The following STX4 variants were observed in gnomAD, a reference collection of about 807,000 sequenced individuals.
STX4 encodes syntaxin 4, also known as syntaxin-4.
STX4 carries 24 observed loss-of-function variants against 41.8 expected under a neutral mutation model. The ratio of observed to expected loss-of-function variants is 0.57; its 90% CI spans 0.42 to 0.81. The LOEUF is 0.81. STX4 is among the 30% of genes least tolerant of loss of function. STX4 has a pLI of 0.00. For missense variants in STX4, 316 were observed against 389.9 expected (o/e 0.81, Z 1.60); for synonymous variants, 158 against 156.4 (o/e 1.01, Z -0.08).
chr16:31,038,230 A>G, intron 7 of STX4, 40 bp downstream of exon 7: 1 of 1,610,600 alleles, frequency 6.2e-7, no homozygotes, highest in Non-Finnish European at 8.5e-7. Context: ...TGTGCCTCCC[A>G]TCCCCTCTGA....
chr16:31,038,649 T>G lies in STX4; in HGVS notation c.702+2T>G, dbSNP rs748796413. 5.0e-6 allele frequency: 8 copies of G among 1,613,896 alleles called. No homozygotes were observed. Among genetic ancestry groups the G allele is most frequent in the Non-Finnish European group, 6.8e-6 (8 of 1,179,960 alleles). On this transcript the variant is annotated splice_donor_variant, in intron 8 of 10. Transcript: ENST00000313843. LOFTEE classifies it high-confidence loss of function. ...CTGGCTACCGAAGTGGAGATGCAGG[T>G]GGGTGCCCCGCGCAGCCCCAGACGT... is the stretch of plus-strand genomic sequence containing the variant.
At position 31,038,100 on chromosome 16, in the gene STX4, C is replaced by T. The variant is rs774552276; in HGVS notation, c.488-14C>T. On this transcript the variant is annotated splice_polypyrimidine_tract_variant and intron_variant, in intron 6 of 10. Coordinates refer to ENST00000313843, the MANE Select transcript of STX4 (RefSeq NM_004604.5). ...ATCCCAACCCAACCCTGAGCCTGGC[C>T]TTTTCCTTCACAGCCAATGCTGGGA... 4.3e-6 allele frequency: 7 copies of T among 1,614,176 alleles called. No homozygotes were observed. The East Asian group carries it at 1.3e-4, about 31-fold the overall frequency.
chr16:31,038,089 C>A, intron 6 of STX4, 25 bp from the exon 7 acceptor site: 1 of 1,614,180 alleles, frequency 6.2e-7, no homozygotes, highest in South Asian at 1.1e-5. Context: ...CAACCCAACC[C>A]TGAGCCTGGC....
rs775130461 is a variant in STX4 at position 31,037,891 on chromosome 16, C to T, written c.379-35C>T. ...GAGGCACCGACCGGGCAGGGATCCT[C>T]CCAGGGGCACTCAGCCTATATTCTT... On this transcript the variant is annotated intron_variant, in intron 5 of 10. Transcript: ENST00000313843. 20 of 1,612,310 alleles carry T rather than the reference C, an allele frequency of 1.2e-5. No individual in the cohort carries two copies. The Admixed American group carries it at 2.5e-4, about 20-fold the overall frequency.
In STX4 at chr16:31,039,706, C is replaced by G; in HGVS notation, c.814-17C>G. 1 of 1,614,202 alleles carries G rather than the reference C, an allele frequency of 6.2e-7. No homozygotes were observed. Among genetic ancestry groups the G allele is most frequent in the South Asian group, 1.1e-5 (1 of 91,090 alleles). Reference sequence around the variant, plus strand: ...AGGCACCCTGTGTGACTTCCCTGACCCCCTCCTCTCCCACAGAAGAAAGTC... The same window carrying G: ...AGGCACCCTGTGTGACTTCCCTGACGCCCTCCTCTCCCACAGAAGAAAGTC... On this transcript the variant is annotated splice_polypyrimidine_tract_variant and intron_variant, in intron 9 of 10. Transcript: ENST00000313843. This position sits in a 1 kb window ranked among gnomAD's most constrained non-coding sequence, Gnocchi z 4.1.
chr16:31,034,024 C>T lies in STX4; in HGVS notation c.42C>T (p.Ser14=). 6.2e-7 allele frequency: 1 copy of T among 1,600,528 alleles called. No homozygotes were observed. The highest frequency in any genetic ancestry group is 8.5e-7 in the Non-Finnish European group (1 of 1,171,652). Reference sequence around the variant, plus strand: ...TCCGGGCCTGGCAGGGGGATGACAGCTCGGACGAAGAGGACAAGGAGCGGG... The same window carrying T: ...TCCGGGCCTGGCAGGGGGATGACAGTTCGGACGAAGAGGACAAGGAGCGGG... ...RTHELRQGDD[S]SDEEDKERVA... The change falls in exon 2 of 11, where the codon AGC becomes AGT. Residue 14 remains serine, a synonymous_variant. Coordinates refer to ENST00000313843, the MANE Select transcript of STX4 (RefSeq NM_004604.5).
At chr16:31,033,321 G>A (rs1480353176), upstream of STX4, 3 of 752,654 alleles carry the variant, frequency 4.0e-6, no homozygotes, top group Non-Finnish European at 7.2e-6. This position sits in a 1 kb window ranked among gnomAD's most constrained non-coding sequence, Gnocchi z 5.5. Flanking sequence ...GGGCACCATG[G>A]GGTGATGTGA....
intron 4 of STX4, 176 bp downstream of exon 4, chr16:31,034,712 C>A: frequency 1.3e-6 from 1 of 743,472 alleles, no homozygotes; most frequent in Non-Finnish European, 2.1e-6. Flanking sequence ...CACAAGTCCG[C>A]CTCTCAGGTT....
chr16:31,034,621 G>A, intron 4 of STX4, 85 bp downstream of exon 4: 1 of 1,408,724 alleles, frequency 7.1e-7, no homozygotes, highest in Non-Finnish European at 9.4e-7. Context: ...GCCCAGAGAA[G>A]CCAGTGATAT....
rs891032499 is a variant in STX4, at chr16:31,039,447, A to AT, written c.703-85dup. Reference sequence around the variant, plus strand: ...TCTTGCCCTTGTCTTTGTTAGTGCAATTTTTTTTTCCTGCCAGGAATGTTC... The same window carrying AT: ...TCTTGCCCTTGTCTTTGTTAGTGCAATTTTTTTTTTCCTGCCAGGAATGTTC... On this transcript the variant is annotated intron_variant, in intron 8 of 10. Transcript: ENST00000313843. The surrounding 1 kb of genome is among the most constrained non-coding windows in gnomAD (Gnocchi z 4.1). 1,237 of 1,305,122 alleles carry AT rather than the reference A, an allele frequency of 9.5e-4. No homozygotes were observed. Among genetic ancestry groups the AT allele is most frequent in the Non-Finnish European group, 1.1e-3 (1,049 of 935,500 alleles). The allele number at this position is 1,305,122 out of a possible 1,614,324, so 80.8% of individuals were successfully genotyped here. A position where few individuals can be genotyped will look rare whatever the true frequency, so the allele number is the denominator to read the frequency against.
rs2143713552 is a variant in STX4, at chr16:31,033,953, G to C, written c.31-60G>C. On this transcript the variant is annotated intron_variant, in intron 1 of 10. Coordinates refer to ENST00000313843, the MANE Select transcript of STX4 (RefSeq NM_004604.5). This position sits in a 1 kb window ranked among gnomAD's most constrained non-coding sequence, Gnocchi z 5.5. ...AGGAAGGAAAGTCCCGGAAGCCTGTGGGTCCTGCGGGGTAAGAGCCGCAGC... is the reference window on the plus strand; with the variant it reads ...AGGAAGGAAAGTCCCGGAAGCCTGTCGGTCCTGCGGGGTAAGAGCCGCAGC... 1 of 1,487,756 alleles carries C rather than the reference G, an allele frequency of 6.7e-7. No homozygotes were observed. The highest frequency in any genetic ancestry group is 2.4e-5 in the East Asian group (1 of 41,286). 92.2% of individuals were successfully genotyped at this position (1,487,756 alleles called of 1,614,324 possible). A position where few individuals can be genotyped will look rare whatever the true frequency, so the allele number is the denominator to read the frequency against.
intron 4 of STX4, 119 bp downstream of exon 4, chr16:31,034,655 G>T: frequency 8.4e-7 from 1 of 1,188,124 alleles, no homozygotes; most frequent in Non-Finnish European, 1.2e-6. Context: ...AGCAGGCCTG[G>T]GTCTAGCATC....
intron 5 of STX4, among the ~76,000 whole-genome samples, chr16:31,037,136 T>C (rs1224023341): frequency 6.8e-6 from 1 of 146,394 alleles, no homozygotes; most frequent in Non-Finnish European, 1.5e-5. Context: ...CCATCTCTGC[T>C]CACTGCAACC....
chr16:31,039,543 G>C lies in STX4; in HGVS notation c.705G>C (p.Gly235=), dbSNP rs1567391133. Residue 235 remains glycine, a splice_region_variant and synonymous_variant, in exon 9 of 11, where the codon GGG becomes GGC. Transcript: ENST00000313843. The surrounding 1 kb of genome is among the most constrained non-coding windows in gnomAD (Gnocchi z 4.1). ...TFLATEVEMQ[G]EMINRIEKNI... ...GAACCACCCCATCCTCTGAGCAGGG[G>C]GAGATGATCAATCGGATTGAGAAGA... 3.7e-6 allele frequency: 6 copies of C among 1,613,980 alleles called. No homozygotes were observed. The highest frequency in any genetic ancestry group is 5.1e-6 in the Non-Finnish European group (6 of 1,180,008).
chr16:31,033,838 G>C lies in STX4; in HGVS notation c.30+3G>C, dbSNP rs1185139971. 1 of 1,453,356 alleles carries C rather than the reference G, an allele frequency of 6.9e-7. No individual in the cohort carries two copies. The highest frequency in any genetic ancestry group is 2.5e-5 in the East Asian group (1 of 40,142). 90.0% of individuals were successfully genotyped at this position (1,453,356 alleles called of 1,614,324 possible). A position where few individuals can be genotyped will look rare whatever the true frequency, so the allele number is the denominator to read the frequency against. ...ACAGGACCCACGAGCTGAGACAGGT[G>C]AGACGCCAGGGCAGCGGGGATGGGG... is the stretch of plus-strand genomic sequence containing the variant. On this transcript the variant is annotated splice_donor_region_variant and intron_variant, in intron 1 of 10. Coordinates refer to ENST00000313843, the MANE Select transcript of STX4 (RefSeq NM_004604.5). This position sits in a 1 kb window ranked among gnomAD's most constrained non-coding sequence, Gnocchi z 5.5.
At chr16:31,033,342 T>G (rs1210970596), upstream of STX4, 1 of 811,032 alleles carries the variant, frequency 1.2e-6, no homozygotes, top group East Asian at 2.7e-5. This position sits in a 1 kb window ranked among gnomAD's most constrained non-coding sequence, Gnocchi z 5.5. Context: ...GATGCGGGTG[T>G]CTCGGATTAC....
In STX4 at chr16:31,033,928, A is replaced by C. The variant is rs1402039660; in HGVS notation, c.31-85A>C. The C allele has an allele frequency of 1.1e-5, 16 of 1,461,310 alleles. No homozygotes were observed. Among genetic ancestry groups the C allele is most frequent in the Non-Finnish European group, 1.5e-5 (16 of 1,102,822 alleles). 90.5% of individuals were successfully genotyped at this position (1,461,310 alleles called of 1,614,324 possible). A position where few individuals can be genotyped will look rare whatever the true frequency, so the allele number is the denominator to read the frequency against. ...GGATAGGGAGGGGTGGCTGATGGCC[A>C]GGAAGGAAAGTCCCGGAAGCCTGTG... On this transcript the variant is annotated intron_variant, in intron 1 of 10. Coordinates refer to ENST00000313843, the MANE Select transcript of STX4 (RefSeq NM_004604.5). This position sits in a 1 kb window ranked among gnomAD's most constrained non-coding sequence, Gnocchi z 5.5.
chr16:31,034,021 C>T lies in STX4; in HGVS notation c.39C>T (p.Asp13=), dbSNP rs769238834. ...DRTHELRQGD[D]SSDEEDKERV... is the part of the protein sequence containing the mutation. ...GACTCCGGGCCTGGCAGGGGGATGA[C>T]AGCTCGGACGAAGAGGACAAGGAGC... The change falls in exon 2 of 11, where the codon GAC becomes GAT. Residue 13 remains aspartate, a synonymous_variant. Transcript: ENST00000313843. 7.5e-6 allele frequency: 12 copies of T among 1,598,826 alleles called. No individual in the cohort carries two copies. The highest frequency in any genetic ancestry group is 9.4e-6 in the Non-Finnish European group (11 of 1,170,622).
rs1053448474 is a variant in STX4 at position 31,033,704 on chromosome 16, G to A, written c.-102G>A. 2.1e-6 allele frequency: 3 copies of A among 1,445,386 alleles called. No homozygotes were observed. Among genetic ancestry groups the A allele is most frequent in the African/African-American group, 1.4e-5 (1 of 69,652 alleles). The allele number at this position is 1,445,386 out of a possible 1,614,324, so 89.5% of individuals were successfully genotyped here. ...GCGGCTCGTGGGGGTGTTGGGGTCC[G>A]CAGGGGGAGGGAGGGGAGTGTCAGA... On this transcript the variant is annotated 5_prime_UTR_variant, in exon 1 of 11. Coordinates refer to ENST00000313843, the MANE Select transcript of STX4 (RefSeq NM_004604.5). The surrounding 1 kb of genome is among the most constrained non-coding windows in gnomAD (Gnocchi z 5.5).
Sources: allele counts gnomAD v4.1 joint callset (sites outside exome capture counted in the v4.1 genomes callset), GRCh38; gene constraint gnomAD v4.1.1; non-coding constraint Gnocchi (gnomAD v3.1); transcripts MANE v1.5; gene names NCBI Gene and HGNC (gene_info 2026-07-23, HGNC 2026-07-21).